UNC13B: variants seen among roughly 807,000 people sequenced by gnomAD.
The protein encoded by UNC13B is unc-13 homolog B.
Under a neutral mutation model 211.0 loss-of-function variants are expected in UNC13B, and 144 were observed. That is an observed-to-expected ratio of 0.68 (90% CI 0.60 to 0.78). UNC13B has a LOEUF of 0.78. Ranked by LOEUF, UNC13B falls within the 30% of genes least tolerant of loss-of-function variation. UNC13B has a pLI of 0.00. For synonymous variants in UNC13B, 709 were observed against 725.8 expected, an observed-to-expected ratio of 0.98 and a Z score of 0.37; for missense variants, 1,777 against 2,002.0, an observed-to-expected ratio of 0.89 and a Z score of 2.14.
chr9:35,400,297 A>T lies in UNC13B; in HGVS notation c.12338A>T (p.Gln4113Leu). The T allele has an allele frequency of 1.2e-6, 2 of 1,613,842 alleles. No homozygotes were observed. The highest frequency in any genetic ancestry group is 2.2e-5 in the South Asian group (2 of 91,032). ...VLDLALDTIK[Q>L]YFHAGGNGLK... Reference sequence around the variant, plus strand: ...CACGGGTGCTCTTTTATCTTGCAGCAATACTTCCATGCAGGAGGCAATGGG... The same window carrying T: ...CACGGGTGCTCTTTTATCTTGCAGCTATACTTCCATGCAGGAGGCAATGGG... The change falls in exon 37 of 40, where the codon CAA (glutamine) becomes CTA (leucine). Residue 4113 changes from glutamine to leucine, a missense_variant and splice_region_variant. Coordinates refer to ENST00000635942, the MANE Select transcript of UNC13B (RefSeq NM_001371189.2).
chr9:35,209,266 G>A (rs556306168), intron 1 of UNC13B, among the ~76,000 whole-genome samples: 1 of 152,272 alleles, frequency 6.6e-6, no homozygotes, highest in South Asian at 2.1e-4. Context: ...GTTTTACCAT[G>A]TTGGCCAGGC....
intron 1 of UNC13B, among the ~76,000 whole-genome samples, chr9:35,210,050 G>A (rs1433599416): frequency 1.3e-5 from 2 of 151,826 alleles, no homozygotes; most frequent in Non-Finnish European, 2.9e-5. Context: ...GACCAGCCTG[G>A]ACAACAAAAT....
chr9:35,331,543 A>C (rs969803933), intron 11 of UNC13B, among the ~76,000 whole-genome samples: 3 of 152,202 alleles, frequency 2.0e-5, no homozygotes, highest in African/African-American at 7.2e-5. Flanking sequence ...CACTGTGCCC[A>C]GCACTTTTTC....
intron 5 of UNC13B, among the ~76,000 whole-genome samples, chr9:35,240,321 A>G (rs1385040199): frequency 1.3e-5 from 2 of 152,078 alleles, no homozygotes; most frequent in African/African-American, 2.4e-5. Flanking sequence ...TGATATTTGC[A>G]TATTCTATTG....
chr9:35,218,780 G>A (rs1309297903), intron 1 of UNC13B, among the ~76,000 whole-genome samples: 5 of 150,120 alleles, frequency 3.3e-5, no homozygotes, highest in East Asian at 1.9e-4. Flanking sequence ...ATGGAGTTTC[G>A]CTCTTGTTGC....
chr9:35,209,936 C>A (rs540779115), intron 1 of UNC13B, among the ~76,000 whole-genome samples: 14 of 152,106 alleles, frequency 9.2e-5, no homozygotes, highest in African/African-American at 3.4e-4. Flanking sequence ...TTTAAGCACA[C>A]GGCAATAAGA....
intron 7 of UNC13B, among the ~76,000 whole-genome samples, chr9:35,263,999 A>G (rs1587498205): frequency 6.6e-6 from 1 of 152,234 alleles, no homozygotes; most frequent in East Asian, 1.9e-4. Flanking sequence ...ATCCAAGAAG[A>G]CTACTGCAGA....
Position 35,342,497 on chromosome 9 carries a change from A to G in UNC13B, c.9415-24450A>G, listed in dbSNP as rs755914912. On this transcript the variant is annotated intron_variant, in intron 11 of 39. Coordinates refer to ENST00000635942, the MANE Select transcript of UNC13B (RefSeq NM_001371189.2). The stretch of plus-strand genomic sequence containing the variant: ...GTCATTATAATGAGTGAAAAGTAGC[A>G]TATGCCGCACTGGGGTAGAATCTTC... Among the ~76,000 whole-genome samples the G allele has an allele frequency of 4.9e-4, 74 of 152,262 alleles. 1 individual carries two copies. The highest frequency in any genetic ancestry group is 1.2e-3 in the South Asian group (6 of 4,818).
chr9:35,354,840 A>G (rs1192640972), intron 11 of UNC13B, among the ~76,000 whole-genome samples: 8 of 152,158 alleles, frequency 5.3e-5, no homozygotes, highest in Non-Finnish European at 1.2e-4. Context: ...TAATTGGCAA[A>G]ATTTATCAAA....
chr9:35,256,592 A>G lies in UNC13B; in HGVS notation c.469-2401A>G, dbSNP rs375368750. Among the ~76,000 whole-genome samples the G allele has an allele frequency of 5.7e-4, 86 of 152,186 alleles. 1 individual carries two copies. In the South Asian group the frequency reaches 0.017, roughly 31 times the overall value. On this transcript the variant is annotated intron_variant, in intron 6 of 39. Transcript: ENST00000635942. ...TTTTTCTGCATCTGTTTGATCACAT[A>G]GTTTTTCTCTTTTGATCTGTTTAAT...
At chr9:35,352,512 A>C in intron 11 of UNC13B, 1 of 1,232,168 alleles carries the variant, frequency 8.1e-7, no homozygotes, top group South Asian at 4.1e-5. Flanking sequence ...CATCAGGATT[A>C]TAGTCAGACT....
At chr9:35,234,588 T>C (rs1281792389) in intron 3 of UNC13B, among the ~76,000 whole-genome samples, 1 of 152,172 alleles carries the variant, frequency 6.6e-6, no homozygotes, top group African/African-American at 2.4e-5. Flanking sequence ...GGCTTATTCA[T>C]CTACTTTGTG....
rs979462840 is a variant in UNC13B, at chr9:35,224,561, A to G, written c.23-3454A>G. Among the ~76,000 whole-genome samples, 127 of 152,262 alleles carry G rather than the reference A, an allele frequency of 8.3e-4. 1 individual carries two copies. The highest frequency in any genetic ancestry group is 1.5e-5 in the Non-Finnish European group (1 of 68,030). On this transcript the variant is annotated intron_variant, in intron 1 of 39. Coordinates refer to ENST00000635942, the MANE Select transcript of UNC13B (RefSeq NM_001371189.2). ...GTCTTTAGGTTTTTCTATATATAAG[A>G]TCATGTCATGTGCAAAGAGGGACAA... is the stretch of plus-strand genomic sequence containing the variant.
At chr9:35,387,584 C>T (rs1835269019) in intron 24 of UNC13B, among the ~76,000 whole-genome samples, 1 of 152,174 alleles carries the variant, frequency 6.6e-6, no homozygotes, top group Non-Finnish European at 1.5e-5. Context: ...TTCTCATAAA[C>T]TATTCAGGGA....
intron 11 of UNC13B, among the ~76,000 whole-genome samples, chr9:35,362,672 C>T (rs1386863732): frequency 3.3e-5 from 5 of 151,916 alleles, no homozygotes; most frequent in African/African-American, 4.8e-5. Context: ...TGGTGGTGGG[C>T]GCCTGTAGTC....
chr9:35,315,054 A>ATT (rs1156782392), intron 11 of UNC13B, among the ~76,000 whole-genome samples: 12 of 135,360 alleles, frequency 8.9e-5, no homozygotes, highest in South Asian at 4.8e-4. Flanking sequence ...TTTAAAAAAA[A>ATT]TTTTTTTTTT....
At chr9:35,344,022 CAT>C (rs1261761103) in intron 11 of UNC13B, among the ~76,000 whole-genome samples, 4 of 152,124 alleles carry the variant, frequency 2.6e-5, no homozygotes, top group African/African-American at 4.8e-5. Flanking sequence ...TAAAATGACA[CAT>C]GTGGTTCACA....
intron 26 of UNC13B, among the ~76,000 whole-genome samples, chr9:35,391,342 G>C (rs1401982833): frequency 6.6e-6 from 1 of 152,142 alleles, no homozygotes; most frequent in Non-Finnish European, 1.5e-5. Flanking sequence ...CTATTTAGCA[G>C]CGTTTCCTGC....
intron 1 of UNC13B, among the ~76,000 whole-genome samples, chr9:35,167,226 A>G (rs902174431): frequency 4.0e-5 from 6 of 151,828 alleles, no homozygotes; most frequent in Admixed American, 3.9e-4. Flanking sequence ...GGCGCCCATC[A>G]CCACGCCTGG....
Sources: gnomAD v4.1 joint callset for allele counts (sites outside exome capture counted in the v4.1 genomes callset) on GRCh38, gnomAD v4.1.1 for gene constraint, MANE v1.5 for transcripts, NCBI Gene and HGNC (gene_info 2026-07-23, HGNC 2026-07-21) for gene names.